The following SMS variants were observed in gnomAD, a reference collection of about 807,000 sequenced individuals.
The protein encoded by SMS is spermidine aminopropyltransferase.
In SMS, 3 loss-of-function variants were observed where a neutral mutation model predicts 33.0. The observed-to-expected ratio is 0.09, with a 90% CI of 0.04 to 0.23. SMS has a LOEUF of 0.23. SMS is among the 10% of genes least tolerant of loss of function. The probability of loss-of-function intolerance (pLI) is 1.00; values close to 1 mark genes in which losing one functional copy is unlikely to be tolerated. For synonymous variants in SMS, 103 were observed against 112.2 expected (o/e 0.92, Z 0.52); for missense variants, 117 against 288.6 (o/e 0.41, Z 4.31).
intron 1 of SMS, among the ~76,000 whole-genome samples, chrX:21,958,388 C>T (rs759176543): frequency 2.7e-5 from 3 of 112,128 alleles, no homozygotes; most frequent in Non-Finnish European, 3.8e-5. Flanking sequence ...CCTTGGCAAC[C>T]TTGCCGTAAG....
At chrX:21,952,746 A>G (rs1262001441) in intron 1 of SMS, among the ~76,000 whole-genome samples, 2 of 107,412 alleles carry the variant, frequency 1.9e-5, no homozygotes, top group African/African-American at 3.5e-5. Flanking sequence ...TCTTTTCTGG[A>G]GTGTTTTTTT....
intron 1 of SMS, among the ~76,000 whole-genome samples, chrX:21,960,748 G>T (rs1923288025): frequency 8.9e-6 from 1 of 111,823 alleles, no homozygotes; most frequent in South Asian, 3.7e-4. Flanking sequence ...GGCTCTGCCT[G>T]AGGGGAGGGG....
At chrX:21,945,528 C>T (rs1922152389) in intron 1 of SMS, among the ~76,000 whole-genome samples, 2 of 110,804 alleles carry the variant, frequency 1.8e-5, no homozygotes, top group South Asian at 3.9e-4. Flanking sequence ...TCAGGGAAGC[C>T]TGTGCACCTC....
chrX:21,950,000 G>A (rs1479674698), intron 1 of SMS, among the ~76,000 whole-genome samples: 3 of 111,578 alleles, frequency 2.7e-5, no homozygotes, highest in Non-Finnish European at 5.6e-5. Context: ...TTTGGATAAA[G>A]GATATTCAAC....
intron 1 of SMS, among the ~76,000 whole-genome samples, chrX:21,953,890 A>T (rs866431397): frequency 1.4e-4 from 13 of 90,117 alleles, no homozygotes; most frequent in South Asian, 1.1e-3. Flanking sequence ...AATTTTATTG[A>T]TTTTTTTTTT....
intron 1 of SMS, among the ~76,000 whole-genome samples, chrX:21,957,423 A>G (rs7877597): frequency 0.024 from 2,636 of 110,076 alleles, 86 homozygotes; most frequent in African/African-American, 0.082. Context: ...CACCCTCCCA[A>G]GTAGCCAGGG....
intron 1 of SMS, among the ~76,000 whole-genome samples, chrX:21,962,493 T>G (rs1460296203): frequency 9.0e-6 from 1 of 111,387 alleles, no homozygotes; most frequent in African/African-American, 3.3e-5. Flanking sequence ...TTTCTTTTCC[T>G]TTTTTTGTGT....
chrX:21,992,717 C>T lies in SMS; in HGVS notation c.1061+5C>T. 1 of 1,063,053 alleles carries T rather than the reference C, an allele frequency of 9.4e-7. No homozygotes were observed. The highest frequency in any genetic ancestry group is 1.3e-6 in the Non-Finnish European group (1 of 761,903). 87.6% of individuals were successfully genotyped at this position (1,063,053 alleles called of 1,213,427 possible). A position where few individuals can be genotyped will look rare whatever the true frequency, so the allele number is the denominator to read the frequency against. On this transcript the variant is annotated splice_donor_5th_base_variant and intron_variant, in intron 10 of 10. Coordinates refer to ENST00000404933, the MANE Select transcript of SMS (RefSeq NM_004595.5). The stretch of plus-strand genomic sequence containing the variant: ...TGTCCCTTCATACTTGGAATTGTAT[C>T]CTTTGACCGTGACATTCTGTTGCCA...
chrX:21,947,611 T>G (rs1602180516), intron 1 of SMS, among the ~76,000 whole-genome samples: 1 of 111,710 alleles, frequency 9.0e-6, no homozygotes, highest in South Asian at 3.8e-4. Flanking sequence ...TGTTCCTTAC[T>G]TTAGTTTCCT....
intron 2 of SMS, among the ~76,000 whole-genome samples, chrX:21,970,745 GTT>G (rs756995067): frequency 0.12 from 9,952 of 82,175 alleles, 898 homozygotes; most frequent in African/African-American, 0.3. Flanking sequence ...ATTATTTTTA[GTT>G]TTTTTTTTTT....
At chrX:21,968,450 C>T (rs1368344691) in intron 2 of SMS, among the ~76,000 whole-genome samples, 2 of 111,921 alleles carry the variant, frequency 1.8e-5, no homozygotes, top group African/African-American at 6.5e-5. Flanking sequence ...GTGGCATAAG[C>T]AGTTTGAAAA....
chrX:21,993,008 C>G (rs771290672), intron 10 of SMS, among the ~76,000 whole-genome samples: 2 of 111,678 alleles, frequency 1.8e-5, no homozygotes, highest in Non-Finnish European at 3.8e-5. Context: ...GTTGCCAGAC[C>G]TGCAGCATCG....
At chrX:21,972,826 C>T (rs1329773411) in intron 4 of SMS, among the ~76,000 whole-genome samples, 1 of 106,392 alleles carries the variant, frequency 9.4e-6, no homozygotes, top group Non-Finnish European at 1.9e-5. Flanking sequence ...TGCGAATGGC[C>T]TGAACCGAGG....
At chrX:21,970,766 A>G (rs1924089510) in intron 2 of SMS, among the ~76,000 whole-genome samples, 1 of 98,014 alleles carries the variant, frequency 1.0e-5, no homozygotes, top group African/African-American at 3.9e-5. Context: ...TTTTTTTTTA[A>G]TCCAAGCACA....
At chrX:21,947,141 A>G (rs1018927890) in intron 1 of SMS, among the ~76,000 whole-genome samples, 3 of 112,224 alleles carry the variant, frequency 2.7e-5, no homozygotes, top group Non-Finnish European at 3.8e-5. Flanking sequence ...AACCTAAACA[A>G]TGTAGTTCAG....
chrX:21,952,707 T>A (rs1433871788), intron 1 of SMS, among the ~76,000 whole-genome samples: 1 of 110,058 alleles, frequency 9.1e-6, no homozygotes, highest in East Asian at 2.9e-4. Context: ...GGTAGAACTC[T>A]CCAGTGAAAC....
chrX:21,967,182 C>G lies in SMS; in HGVS notation c.50-14C>G. On this transcript the variant is annotated splice_polypyrimidine_tract_variant and intron_variant, in intron 1 of 10. Transcript: ENST00000404933. ...TCTTTCTGACCATCTTGCCTTCTTC[C>G]CCTTGTTCTCCAGCTGATGGTGAGA... 1 of 1,207,778 alleles carries G rather than the reference C, an allele frequency of 8.3e-7. No individual in the cohort carries two copies.
intron 1 of SMS, among the ~76,000 whole-genome samples, chrX:21,963,613 A>G (rs1923506813): frequency 9.0e-6 from 1 of 111,709 alleles, no homozygotes; most frequent in Admixed American, 9.5e-5. Flanking sequence ...TGGCCACTAC[A>G]CTGGGCTTGG....
At chrX:21,961,415 A>G (rs1923339907) in intron 1 of SMS, among the ~76,000 whole-genome samples, 1 of 110,216 alleles carries the variant, frequency 9.1e-6, no homozygotes, top group African/African-American at 3.3e-5. Flanking sequence ...CCTGATTTTG[A>G]TCCAAGACTT....
Sources: allele counts gnomAD v4.1 joint callset (sites outside exome capture counted in the v4.1 genomes callset), GRCh38; gene constraint gnomAD v4.1.1; transcripts MANE v1.5; gene names NCBI Gene and HGNC (gene_info 2026-07-23, HGNC 2026-07-21).